Variants in SNX24 observed in about 807,000 individuals in gnomAD.
SNX24 encodes the protein sorting nexin-24.
In SNX24, 22 loss-of-function variants were observed where a neutral mutation model predicts 28.7. The observed-to-expected ratio is 0.77, with a 90% CI of 0.55 to 1.10. The LOEUF is 1.10. Among genes scored for constraint, SNX24 ranks in the 50% least tolerant of loss-of-function variants. The pLI, the probability that SNX24 is intolerant of heterozygous loss-of-function variation, is 0.00. For synonymous variants in SNX24, 69 were observed against 71.5 expected, an observed-to-expected ratio of 0.96 and a Z score of 0.18; for missense variants, 221 against 201.1, an observed-to-expected ratio of 1.10 and a Z score of -0.60.
intron 3 of SNX24, among the ~76,000 whole-genome samples, chr5:122,983,621 T>C (rs1761477501): frequency 6.6e-6 from 1 of 152,190 alleles, no homozygotes; most frequent in Non-Finnish European, 1.5e-5. Context: ...TTGTTGTTGT[T>C]GAAACAGGGT....
At chr5:123,015,720 A>T (rs1289224831) in intron 5 of SNX24, among the ~76,000 whole-genome samples, 1 of 152,144 alleles carries the variant, frequency 6.6e-6, no homozygotes, top group African/African-American at 2.4e-5. Context: ...AATTATTTTC[A>T]TATTGTGCAT....
chr5:122,998,952 C>T (rs1322633805), intron 3 of SNX24, among the ~76,000 whole-genome samples: 1 of 151,914 alleles, frequency 6.6e-6, no homozygotes, highest in Non-Finnish European at 1.5e-5. Context: ...ACAAAATTTA[C>T]CCATGATAAG....
chr5:122,916,050 A>G (rs1299947314), intron 1 of SNX24, among the ~76,000 whole-genome samples: 1 of 152,184 alleles, frequency 6.6e-6, no homozygotes, highest in Non-Finnish European at 1.5e-5. Context: ...CTGTATTCCC[A>G]TCCTGTAGCA....
chr5:122,934,100 C>T (rs530263432), intron 1 of SNX24, among the ~76,000 whole-genome samples: 12 of 152,212 alleles, frequency 7.9e-5, no homozygotes, highest in Middle Eastern at 6.8e-3. Flanking sequence ...CTAGAACAAC[C>T]CCTGGGCTTC....
intron 1 of SNX24, among the ~76,000 whole-genome samples, chr5:122,897,305 C>CT (rs966718760): frequency 6.6e-6 from 1 of 151,886 alleles, no homozygotes; most frequent in African/African-American, 2.4e-5. Context: ...TATACCACTT[C>CT]TTTTTTTTAT....
At chr5:122,956,494 G>A (rs1204565942) in intron 3 of SNX24, among the ~76,000 whole-genome samples, 1 of 152,058 alleles carries the variant, frequency 6.6e-6, no homozygotes, top group Non-Finnish European at 1.5e-5. Flanking sequence ...ATGCTGCTGT[G>A]AACATGGATG....
chr5:123,016,321 C>T (rs1422166279), intron 5 of SNX24, among the ~76,000 whole-genome samples: 1 of 151,982 alleles, frequency 6.6e-6, no homozygotes, highest in Admixed American at 6.6e-5. Flanking sequence ...GAGGAATTAG[C>T]CAGGAAAAGC....
At chr5:122,861,873 C>T (rs923887089) in intron 1 of SNX24, among the ~76,000 whole-genome samples, 5 of 152,166 alleles carry the variant, frequency 3.3e-5, no homozygotes, top group Non-Finnish European at 2.9e-5. Context: ...GTAAGCTTCT[C>T]TCTTTACACC....
At chr5:122,995,145 T>G (rs1328742425) in intron 3 of SNX24, among the ~76,000 whole-genome samples, 1 of 152,230 alleles carries the variant, frequency 6.6e-6, no homozygotes, top group Non-Finnish European at 1.5e-5. Flanking sequence ...TGCTCTTCAG[T>G]GCCTATTCTT....
chr5:123,003,417 CAA>C (rs1762314105), intron 6 of SNX24, among the ~76,000 whole-genome samples: 1 of 152,138 alleles, frequency 6.6e-6, no homozygotes, highest in Middle Eastern at 3.2e-3. Context: ...TCATATTTAA[CAA>C]ATATTCATAA....
Position 122,983,487 on chromosome 5 carries a change from A to G in SNX24, c.250-16425A>G, listed in dbSNP as rs184726607. Among the ~76,000 whole-genome samples, 419 of 152,336 alleles carry G rather than the reference A, an allele frequency of 2.8e-3. 2 individuals carry two copies. The highest frequency in any genetic ancestry group is 4.8e-3 in the Non-Finnish European group (324 of 68,036). Reference sequence around the variant, plus strand: ...CTCTGTTTATCTCAAAATCAACTCCATTGGAGTCACTGATGAGAGCAGACT... The same window carrying G: ...CTCTGTTTATCTCAAAATCAACTCCGTTGGAGTCACTGATGAGAGCAGACT... On this transcript the variant is annotated intron_variant, in intron 3 of 6. Transcript: ENST00000261369.
intron 3 of SNX24, among the ~76,000 whole-genome samples, chr5:122,970,500 G>A (rs1029251391): frequency 6.6e-6 from 1 of 151,808 alleles, no homozygotes; most frequent in Non-Finnish European, 1.5e-5. Flanking sequence ...ACGGAGTCTC[G>A]CTCTGTCGCC....
chr5:123,006,677 C>T (rs924348847), intron 6 of SNX24, among the ~76,000 whole-genome samples: 5 of 152,214 alleles, frequency 3.3e-5, no homozygotes, highest in African/African-American at 1.2e-4. Context: ...CCTCCTCATT[C>T]CCACTTTTCT....
rs917848590 is a variant in SNX24 at position 122,862,475 on chromosome 5, G to A, written c.60+16782G>A. Among the ~76,000 whole-genome samples, 3 of 151,978 alleles carry A rather than the reference G, an allele frequency of 2.0e-5. No homozygotes were observed. The East Asian group carries it at 5.8e-4, about 30-fold the overall frequency. ...CGAAAAAAAAGTACGTGGTGGCGGCGCCTGTAGTCCCAGCTACTGGGGAGG... is the reference window on the plus strand; with the variant it reads ...CGAAAAAAAAGTACGTGGTGGCGGCACCTGTAGTCCCAGCTACTGGGGAGG... On this transcript the variant is annotated intron_variant, in intron 1 of 6. Coordinates refer to ENST00000261369, the MANE Select transcript of SNX24 (RefSeq NM_014035.4).
chr5:122,901,381 T>C (rs1757443076), intron 1 of SNX24, among the ~76,000 whole-genome samples: 1 of 152,164 alleles, frequency 6.6e-6, no homozygotes, highest in South Asian at 2.1e-4. Flanking sequence ...AAATGCAGTA[T>C]CTTTCTTGGA....
intron 1 of SNX24, among the ~76,000 whole-genome samples, chr5:122,886,153 T>A (rs1373014917): frequency 6.6e-6 from 1 of 152,206 alleles, no homozygotes; most frequent in Non-Finnish European, 1.5e-5. Flanking sequence ...TGCTACAGCT[T>A]CGTGATGACA....
intron 3 of SNX24, among the ~76,000 whole-genome samples, chr5:122,957,298 G>A (rs1261234893): frequency 2.0e-5 from 3 of 152,210 alleles, no homozygotes; most frequent in Non-Finnish European, 1.5e-5. Flanking sequence ...AATGATCTTG[G>A]CACTCTTCTC....
At chr5:122,923,348 A>C (rs943029804) in intron 1 of SNX24, among the ~76,000 whole-genome samples, 3 of 151,990 alleles carry the variant, frequency 2.0e-5, no homozygotes, top group Non-Finnish European at 4.4e-5. Context: ...CTAAAAAAAA[A>C]AATTAAAATT....
intron 1 of SNX24, among the ~76,000 whole-genome samples, chr5:122,920,287 C>G (rs566088035): frequency 6.6e-6 from 1 of 152,264 alleles, no homozygotes; most frequent in South Asian, 2.1e-4. Flanking sequence ...AGAAATTACA[C>G]AAAGGATAGA....
Sources: gnomAD v4.1 joint callset for allele counts (sites outside exome capture counted in the v4.1 genomes callset) on GRCh38, gnomAD v4.1.1 for gene constraint, MANE v1.5 for transcripts, NCBI Gene and HGNC (gene_info 2026-07-23, HGNC 2026-07-21) for gene names.